Variants in ZNF558 observed in about 807,000 individuals in gnomAD.
ZNF558 encodes the protein zinc finger protein 558.
ZNF558 carries 23 observed loss-of-function variants against 37.6 expected under a neutral mutation model. The observed-to-expected ratio is 0.61, with a 90% CI of 0.44 to 0.87. The LOEUF is 0.87. Ranked by LOEUF, ZNF558 falls within the 40% of genes least tolerant of loss-of-function variation. The pLI, the probability that ZNF558 is intolerant of heterozygous loss-of-function variation, is 0.00. For synonymous variants in ZNF558, 189 were observed against 174.4 expected, an observed-to-expected ratio of 1.08 and a Z score of -0.66; for missense variants, 429 against 483.7, an observed-to-expected ratio of 0.89 and a Z score of 1.06.
At chr19:8,815,642 C>T (rs2043916875) in intron 7 of ZNF558, among the ~76,000 whole-genome samples, 1 of 151,982 alleles carries the variant, frequency 6.6e-6, no homozygotes. Flanking sequence ...ATTAGCTGGG[C>T]ATGGTGATGC....
chr19:8,831,240 A>C (rs1057091579), intron 2 of ZNF558, 78 bp downstream of exon 2: 1 of 152,208 alleles, frequency 6.6e-6, no homozygotes, highest in South Asian at 2.1e-4. Flanking sequence ...CAACCCCAGC[A>C]CAGGAAAAGC....
chr19:8,814,603 G>T (rs947338908), intron 7 of ZNF558, among the ~76,000 whole-genome samples: 9 of 152,098 alleles, frequency 5.9e-5, no homozygotes, highest in Non-Finnish European at 1.2e-4. Flanking sequence ...ACCTGAGAAG[G>T]CACAAAACCC....
chr19:8,818,744 A>G (rs1056873346), intron 7 of ZNF558, among the ~76,000 whole-genome samples: 2 of 152,184 alleles, frequency 1.3e-5, no homozygotes, highest in East Asian at 1.9e-4. Flanking sequence ...ACATAGACCA[A>G]TGGAGCCAGG....
At chr19:8,812,522 C>T (rs1555768641) in intron 9 of ZNF558, 39 bp downstream of exon 9, 7 of 1,404,608 alleles carry the variant, frequency 5.0e-6, no homozygotes, top group Non-Finnish European at 6.7e-6. Flanking sequence ...AGGCATTCTC[C>T]TACTGTAGAA....
At chr19:8,825,958 A>G (rs1188201017) in intron 2 of ZNF558, among the ~76,000 whole-genome samples, 2 of 152,164 alleles carry the variant, frequency 1.3e-5, no homozygotes, top group Non-Finnish European at 2.9e-5. Flanking sequence ...AGGGGTCCTT[A>G]TAAAAGGGAA....
At chr19:8,816,993 C>A (rs2043955864) in intron 7 of ZNF558, among the ~76,000 whole-genome samples, 1 of 152,124 alleles carries the variant, frequency 6.6e-6, no homozygotes, top group East Asian at 1.9e-4. Context: ...TTAAAATTCT[C>A]AGGGCAACCA....
At chr19:8,817,333 A>G (rs1214808721) in intron 7 of ZNF558, among the ~76,000 whole-genome samples, 4 of 152,150 alleles carry the variant, frequency 2.6e-5, no homozygotes, top group Non-Finnish European at 5.9e-5. Flanking sequence ...CACTTCAAGT[A>G]CCCTACAACC....
intron 7 of ZNF558, among the ~76,000 whole-genome samples, chr19:8,819,872 C>G (rs2044038806): frequency 6.6e-6 from 1 of 152,156 alleles, no homozygotes; most frequent in Non-Finnish European, 1.5e-5. Flanking sequence ...ACCCGGAAGG[C>G]AGAGGTTGCA....
chr19:8,822,902 C>A lies in ZNF558; in HGVS notation c.-65-178G>T. The A allele has an allele frequency of 1.7e-6, 1 of 600,576 alleles. No individual in the cohort carries two copies. The highest frequency in any genetic ancestry group is 1.9e-5 in the South Asian group (1 of 51,632). The allele number at this position is 600,576 out of a possible 1,614,324, so 37.2% of individuals were successfully genotyped here. A position where few individuals can be genotyped will look rare whatever the true frequency, so the allele number is the denominator to read the frequency against. Reference sequence around the variant, plus strand: ...TCAGGGCCACCTGATGGAAAACTTGCCTTCCTCTGTCCCCAACACAACGAC... The same window carrying A: ...TCAGGGCCACCTGATGGAAAACTTGACTTCCTCTGTCCCCAACACAACGAC... On this transcript the variant is annotated intron_variant, in intron 4 of 9. Coordinates refer to ENST00000601372, the MANE Select transcript of ZNF558 (RefSeq NM_144693.3). The surrounding 1 kb of genome is among the most constrained non-coding windows in gnomAD (Gnocchi z 4.4).
chr19:8,824,499 G>A (rs2044184959), intron 3 of ZNF558, 82 bp from the exon 4 acceptor site: 1 of 152,350 alleles, frequency 6.6e-6, no homozygotes, highest in East Asian at 1.9e-4. Flanking sequence ...TAGGCAGCAA[G>A]AGATGACAAA....
chr19:8,818,879 T>A (rs2044009413), intron 7 of ZNF558, among the ~76,000 whole-genome samples: 1 of 152,180 alleles, frequency 6.6e-6, no homozygotes, highest in Non-Finnish European at 1.5e-5. Flanking sequence ...TAAACTCCAG[T>A]GTGTATGGCC....
upstream of ZNF558, among the ~76,000 whole-genome samples, chr19:8,833,806 G>A (rs2044418857): frequency 6.6e-6 from 1 of 152,114 alleles, no homozygotes; most frequent in Non-Finnish European, 1.5e-5. Flanking sequence ...CTGCCAACAT[G>A]GTGAAACCCC....
intron 7 of ZNF558, among the ~76,000 whole-genome samples, chr19:8,818,207 A>T (rs2043989515): frequency 6.6e-6 from 1 of 152,182 alleles, no homozygotes; most frequent in African/African-American, 2.4e-5. Flanking sequence ...AAATCCCAGC[A>T]CTTTGGGAGG....
chr19:8,825,208 CTGAAAGACACG>C (rs2145281211), intron 2 of ZNF558, 100 bp from the exon 3 acceptor site: 1 of 152,322 alleles, frequency 6.6e-6, no homozygotes, highest in African/African-American at 2.4e-5. Context: ...TACACAAATA[CTGAAAGACACG>C]TGTAAGATGA....
intron 2 of ZNF558, among the ~76,000 whole-genome samples, chr19:8,829,135 G>A (rs1477381170): frequency 3.3e-5 from 5 of 151,764 alleles, no homozygotes; most frequent in Non-Finnish European, 5.9e-5. Context: ...GGTGGTAGGC[G>A]CCTGTAATCC....
In ZNF558 at chr19:8,812,029, C is replaced by T. The variant is rs782229762; in HGVS notation, c.461G>A (p.Cys154Tyr). Residue 154 changes from cysteine (C) to tyrosine (Y), a missense_variant, in exon 10 of 10, where the codon TGT (cysteine) becomes TAT (tyrosine). Transcript: ENST00000601372. ...GCTGAAGACTTTAAAACACTGATTACATTCATTGAGTTTCACTCCACGATG... is the reference window on the plus strand; with the variant it reads ...GCTGAAGACTTTAAAACACTGATTATATTCATTGAGTTTCACTCCACGATG... The part of the protein sequence containing the change: ...RSHRGVKLNE[C>Y]NQCFKVFSTK... The T allele has an allele frequency of 1.2e-6, 2 of 1,603,236 alleles. No homozygotes were observed. Among genetic ancestry groups the T allele is most frequent in the East Asian group, 2.2e-5 (1 of 44,778 alleles).
intron 7 of ZNF558, among the ~76,000 whole-genome samples, chr19:8,815,300 T>C (rs2043906621): frequency 6.6e-6 from 1 of 152,090 alleles, no homozygotes; most frequent in South Asian, 2.1e-4. Context: ...GGTACAACTA[T>C]GGCATATCAA....
At chr19:8,829,036 G>A (rs547973319) in intron 2 of ZNF558, among the ~76,000 whole-genome samples, 1 of 151,696 alleles carries the variant, frequency 6.6e-6, no homozygotes, top group East Asian at 1.9e-4. Context: ...GGCTGAGGCG[G>A]GTGGATCACG....
intron 3 of ZNF558, 80 bp downstream of exon 3, chr19:8,824,922 C>G (rs1253109815): frequency 6.6e-6 from 1 of 152,382 alleles, no homozygotes; most frequent in East Asian, 1.9e-4. Context: ...TTTCCTGAGT[C>G]CTCACACGGT....
Sources: allele counts gnomAD v4.1 joint callset (sites outside exome capture counted in the v4.1 genomes callset), GRCh38; gene constraint gnomAD v4.1.1; non-coding constraint Gnocchi (gnomAD v3.1); transcripts MANE v1.5; gene names NCBI Gene and HGNC (gene_info 2026-07-23, HGNC 2026-07-21).